The following SCN2A variants were observed in gnomAD, a reference collection of about 807,000 sequenced individuals.
SCN2A encodes sodium channel protein type 2 subunit alpha.
In SCN2A, 20 loss-of-function variants were observed where a neutral mutation model predicts 188.7. The ratio of observed to expected loss-of-function variants is 0.11; its 90% CI spans 0.07 to 0.15. The LOEUF (loss-of-function observed/expected upper bound fraction) is 0.15, where lower values mean the gene tolerates loss of function less well. SCN2A is among the 10% of genes least tolerant of loss of function. The pLI, the probability that SCN2A is intolerant of heterozygous loss-of-function variation, is 1.00. For missense variants in SCN2A, 1,278 were observed against 2,445.0 expected (o/e 0.52, Z 10.07); for synonymous variants, 804 against 833.1 (o/e 0.97, Z 0.60).
chr2:165,303,361 C>A (rs1438534207), intron 3 of SCN2A, among the ~76,000 whole-genome samples: 1 of 149,304 alleles, frequency 6.7e-6, no homozygotes. Flanking sequence ...CTGCAAGCTC[C>A]GCCTTCCGGG....
chr2:165,331,874 T>C (rs1378758450), intron 14 of SCN2A, among the ~76,000 whole-genome samples: 1 of 152,064 alleles, frequency 6.6e-6, no homozygotes, highest in Non-Finnish European at 1.5e-5. Context: ...AACCTTAGAA[T>C]AGGTTCTTTA....
chr2:165,243,791 G>A (rs1005911029), intron 1 of SCN2A: 40 of 152,016 alleles, frequency 2.6e-4, no homozygotes, highest in African/African-American at 8.0e-4. Context: ...TCATGAAATG[G>A]CAGTGGAAAG....
chr2:165,350,994 C>T (rs2105331144), intron 16 of SCN2A, among the ~76,000 whole-genome samples: 1 of 152,312 alleles, frequency 6.6e-6, no homozygotes, highest in South Asian at 2.1e-4. Flanking sequence ...GTGCCAAGAA[C>T]TGTGCTGAAA....
intron 13 of SCN2A, chr2:165,328,561 G>A: frequency 3.2e-6 from 3 of 940,962 alleles, no homozygotes; most frequent in Non-Finnish European, 3.8e-6. Context: ...CAACAGTCAT[G>A]CTTTGCACTT....
intron 1 of SCN2A, among the ~76,000 whole-genome samples, chr2:165,287,372 A>G (rs945031770): frequency 6.6e-6 from 1 of 152,010 alleles, no homozygotes; most frequent in Non-Finnish European, 1.5e-5. Context: ...ACTTGAGGCA[A>G]TTTTCCTTTA....
chr2:165,282,995 C>T (rs566148215), intron 1 of SCN2A, among the ~76,000 whole-genome samples: 1 of 152,144 alleles, frequency 6.6e-6, no homozygotes, highest in East Asian at 1.9e-4. Flanking sequence ...ATGATGTGTC[C>T]TGTTATGTAT....
intron 1 of SCN2A, among the ~76,000 whole-genome samples, chr2:165,256,450 A>G (rs1574448487): frequency 6.6e-6 from 1 of 152,146 alleles, no homozygotes; most frequent in Non-Finnish European, 1.5e-5. Context: ...ACTATCTTTA[A>G]TGATAGCATC....
At chr2:165,289,810 T>C (rs1696020154) in intron 1 of SCN2A, among the ~76,000 whole-genome samples, 1 of 152,156 alleles carries the variant, frequency 6.6e-6, no homozygotes, top group East Asian at 1.9e-4. Flanking sequence ...CCCTTTTAAA[T>C]ATTCCAAGAC....
chr2:165,352,284 G>C (rs1018776401), intron 16 of SCN2A, among the ~76,000 whole-genome samples: 7 of 151,974 alleles, frequency 4.6e-5, no homozygotes, highest in Non-Finnish European at 1.0e-4. Flanking sequence ...TGGTCTTAAT[G>C]TGATTATCAG....
chr2:165,327,097 T>C (rs892624951), intron 13 of SCN2A, 113 bp downstream of exon 13: 10 of 1,307,720 alleles, frequency 7.6e-6, no homozygotes, highest in African/African-American at 2.9e-5. Flanking sequence ...TTATTACACA[T>C]TTTACTAAAT....
rs779449088 is a variant in SCN2A at position 165,367,495 on chromosome 2, C to T, written c.3675+124C>T. ...TAAGAATGAGAAGAAATATGTGTGA[C>T]GTGTTTAGCACATATGAGAGGCTTA... is the stretch of plus-strand genomic sequence containing the variant. On this transcript the variant is annotated intron_variant, in intron 19 of 26. Coordinates refer to ENST00000375437, the MANE Select transcript of SCN2A (RefSeq NM_001040142.2). 3.0e-4 allele frequency: 341 copies of T among 1,129,680 alleles called. 1 individual carries two copies. Among genetic ancestry groups the T allele is most frequent in the Non-Finnish European group, 4.1e-4 (310 of 763,992 alleles). The allele number at this position is 1,129,680 out of a possible 1,614,324, so 70.0% of individuals were successfully genotyped here.
At chr2:165,269,417 A>T (rs1574473128) in intron 1 of SCN2A, 2 of 152,064 alleles carry the variant, frequency 1.3e-5, no homozygotes, top group African/African-American at 2.4e-5. Context: ...ACTCACATTC[A>T]GGTTGCCATA....
chr2:165,306,914 A>G (rs531109325), intron 3 of SCN2A, among the ~76,000 whole-genome samples: 3 of 152,284 alleles, frequency 2.0e-5, no homozygotes, highest in South Asian at 2.1e-4. Context: ...CACTTTACAT[A>G]ATGGCAACTA....
At chr2:165,372,936 T>G (rs1167213503) in intron 20 of SCN2A, 1 of 261,856 alleles carries the variant, frequency 3.8e-6, no homozygotes, top group African/African-American at 2.2e-5. Context: ...TTAAAAACAT[T>G]TCCTACCAAG....
rs763488120 is a variant in SCN2A at position 165,295,870 on chromosome 2, T to G, written c.47T>G (p.Phe16Cys). The G allele has an allele frequency of 6.2e-7, 1 of 1,614,194 alleles. No homozygotes were observed. Among genetic ancestry groups the G allele is most frequent in the Non-Finnish European group, 8.5e-7 (1 of 1,180,040 alleles). Residue 16 changes from phenylalanine (F) to cysteine (C), a missense_variant, in exon 2 of 27, where the codon TTC becomes TGC. Physicochemically the swap from Phe to Cys is radical, Grantham distance 205. Coordinates refer to ENST00000375437, the MANE Select transcript of SCN2A (RefSeq NM_001040142.2). ...LVPPGPDSFR[F>C]FTRESLAAIE... The stretch of plus-strand genomic sequence containing the variant: ...CCGCCAGGACCTGACAGCTTCCGCT[T>G]CTTTACCAGGGAATCCCTTGCTGCT...
chr2:165,257,512 G>A (rs1574450290), intron 1 of SCN2A, among the ~76,000 whole-genome samples: 1 of 151,926 alleles, frequency 6.6e-6, no homozygotes, highest in South Asian at 2.1e-4. Context: ...TCTGTGTTTT[G>A]TTGTTGTTGT....
At chr2:165,283,299 T>G (rs1180924327) in intron 1 of SCN2A, among the ~76,000 whole-genome samples, 1 of 152,152 alleles carries the variant, frequency 6.6e-6, no homozygotes, top group Non-Finnish European at 1.5e-5. Flanking sequence ...AGCTATAGGT[T>G]GTTGGGAATA....
chr2:165,303,321 G>C lies in SCN2A; in HGVS notation c.387-4527G>C, dbSNP rs539831679. ...GACGGGTTCTCGCTCTGTCGCCCTG[G>C]CTGGAGTGCAGCAGCGCAATCTCGG... On this transcript the variant is annotated intron_variant, in intron 3 of 26. Coordinates refer to ENST00000375437, the MANE Select transcript of SCN2A (RefSeq NM_001040142.2). 3.8e-5 allele frequency among the ~76,000 whole-genome samples: 5 copies of C among 132,768 alleles called. No homozygotes were observed. In the South Asian group the frequency reaches 1.2e-3, roughly 31 times the overall value. 87.1% of individuals were successfully genotyped at this position (132,768 alleles called of 152,430 possible).
At chr2:165,357,712 G>A (rs1467634276) in intron 17 of SCN2A, among the ~76,000 whole-genome samples, 3 of 152,044 alleles carry the variant, frequency 2.0e-5, no homozygotes, top group Admixed American at 1.3e-4. Context: ...ACTATTTTTC[G>A]AAGTGAAATT....
Sources: allele counts gnomAD v4.1 joint callset (sites outside exome capture counted in the v4.1 genomes callset), GRCh38; gene constraint gnomAD v4.1.1; transcripts MANE v1.5; gene names NCBI Gene and HGNC (gene_info 2026-07-23, HGNC 2026-07-21).